MON1A: variants seen among roughly 807,000 people sequenced by gnomAD.
The protein encoded by MON1A is vacuolar fusion protein MON1 homolog A.
A neutral mutation model predicts 44.6 loss-of-function variants in MON1A; 29 were observed. The ratio of observed to expected loss-of-function variants is 0.65; its 90% confidence interval spans 0.48 to 0.89. The LOEUF is 0.89. Among genes scored for constraint, MON1A ranks in the 40% least tolerant of loss-of-function variants. The pLI is 0.00. For synonymous variants in MON1A, 275 were observed against 316.4 expected (o/e 0.87, Z 1.39); for missense variants, 615 against 759.6 (o/e 0.81, Z 2.24).
intron 1 of MON1A, among the ~76,000 whole-genome samples, chr3:49,921,435 G>C (rs922852572): frequency 6.7e-6 from 1 of 150,212 alleles, no homozygotes; most frequent in African/African-American, 2.4e-5. Context: ...TGGGATTACA[G>C]GCCTGAGCCA....
intron 1 of MON1A, chr3:49,916,410 T>C (rs1017007620): frequency 6.6e-6 from 1 of 152,220 alleles, no homozygotes; most frequent in African/African-American, 2.4e-5. Context: ...CTTTAAGCTA[T>C]GTAATTCTTT....
chr3:49,911,591 C>T lies in MON1A; in HGVS notation c.548G>A (p.Gly183Asp). The T allele has an allele frequency of 6.2e-7, 1 of 1,614,134 alleles. No homozygotes were observed. Among genetic ancestry groups the T allele is most frequent in the South Asian group, 1.1e-5 (1 of 91,084 alleles). ...GAAGGACACCAGGGCCACCATAACA[C>T]CCATAGTGCTGGAAAGTGCCTCCTC... ...GSEEALSSTM[G>D]VMVALVSFLE... Residue 183 changes from glycine (G) to aspartate (D), a missense_variant, in exon 3 of 6, where the codon GGT becomes GAT. Physicochemically the swap from Gly to Asp is moderately conservative, Grantham distance 94. Coordinates refer to ENST00000296473, the MANE Select transcript of MON1A (RefSeq NM_032355.4). This position sits in a 1 kb window ranked among gnomAD's most constrained non-coding sequence, Gnocchi z 5.7.
intron 1 of MON1A, chr3:49,923,855 G>A (rs2083026055): frequency 6.6e-6 from 1 of 151,782 alleles, no homozygotes; most frequent in Non-Finnish European, 1.5e-5. Context: ...GGCCGACGCA[G>A]GCAGATCATG....
intron 1 of MON1A, among the ~76,000 whole-genome samples, chr3:49,928,029 G>T: frequency 6.6e-6 from 1 of 152,184 alleles, no homozygotes; most frequent in Admixed American, 6.5e-5. Flanking sequence ...TGTCCTCAGG[G>T]CCCACTCTCC....
intron 1 of MON1A, among the ~76,000 whole-genome samples, chr3:49,922,298 T>C (rs538066981): frequency 6.6e-6 from 1 of 151,712 alleles, no homozygotes; most frequent in African/African-American, 2.4e-5. Context: ...ATAAAAAAAT[T>C]AGCCAGGTGT....
At chr3:49,920,837 C>CA (rs145653814) in intron 1 of MON1A, among the ~76,000 whole-genome samples, 22,823 of 130,198 alleles carry the variant, frequency 0.18, 2,146 homozygotes, top group Middle Eastern at 0.29. Context: ...GATTCTGCAT[C>CA]AAAAAAAAAA....
intron 1 of MON1A, among the ~76,000 whole-genome samples, chr3:49,923,215 C>T (rs2083017840): frequency 6.6e-6 from 1 of 151,168 alleles, no homozygotes; most frequent in African/African-American, 2.4e-5. Context: ...GTGGCGCATG[C>T]CTGTAATTCC....
At chr3:49,921,164 T>C (rs1175093736) in intron 1 of MON1A, among the ~76,000 whole-genome samples, 1 of 151,478 alleles carries the variant, frequency 6.6e-6, no homozygotes, top group Non-Finnish European at 1.5e-5. Flanking sequence ...CTCCTTTTTT[T>C]TTTCTTTTTT....
intron 1 of MON1A, chr3:49,924,496 T>C (rs1280094518): frequency 1.5e-5 from 4 of 272,680 alleles, no homozygotes; most frequent in African/African-American, 6.9e-5. Context: ...CTGGACAACA[T>C]GGTGAAACCC....
At chr3:49,915,364 C>T (rs1029528300) in intron 1 of MON1A, among the ~76,000 whole-genome samples, 1 of 151,920 alleles carries the variant, frequency 6.6e-6, no homozygotes, top group African/African-American at 2.4e-5. Context: ...CCTGTCTCTA[C>T]AAAAAATTTT....
Position 49,911,221 on chromosome 3 carries a change from G to GATAGATGATAGATAC in MON1A, c.613+304_613+305insGTATCTATCATCTAT, listed in dbSNP as rs1553630687. 9.1e-3 allele frequency among the ~76,000 whole-genome samples: 1,374 copies of GATAGATGATAGATAC among 151,186 alleles called. 11 individuals carry two copies. Among genetic ancestry groups the GATAGATGATAGATAC allele is most frequent in the Non-Finnish European group, 0.014 (972 of 67,794 alleles). On this transcript the variant is annotated intron_variant, in intron 3 of 5. Transcript: ENST00000296473. The surrounding 1 kb of genome is among the most constrained non-coding windows in gnomAD (Gnocchi z 5.7). ...AGATAGATAGATAGATAGATAGATA[G>GATAGATGATAGATAC]ATAGATAGATAGATAGATAGATAGA...
chr3:49,929,718 C>A lies in MON1A; in HGVS notation c.-123G>T, dbSNP rs2083078603. ...CGGGGCCGGCCTGAGGGCACAGCTT[C>A]GCGGGGCCCCGGCCCCCTGCGTACA... On this transcript the variant is annotated 5_prime_UTR_variant, in exon 1 of 6. Coordinates refer to ENST00000296473, the MANE Select transcript of MON1A (RefSeq NM_032355.4). 4 of 1,550,252 alleles carry A rather than the reference C, an allele frequency of 2.6e-6. No individual in the cohort carries two copies. Among genetic ancestry groups the A allele is most frequent in the Non-Finnish European group, 2.6e-6 (3 of 1,146,720 alleles).
chr3:49,921,251 G>A (rs188816365), intron 1 of MON1A, among the ~76,000 whole-genome samples: 4 of 151,512 alleles, frequency 2.6e-5, no homozygotes, highest in African/African-American at 9.7e-5. Context: ...TCCACCTCCT[G>A]GGTTCATGCC....
intron 1 of MON1A, 63 bp from the exon 2 acceptor site, chr3:49,913,422 G>A: frequency 6.5e-7 from 1 of 1,534,124 alleles, no homozygotes; most frequent in Non-Finnish European, 8.8e-7. Context: ...AATCAACAGT[G>A]GTAGTAAGTA....
intron 1 of MON1A, among the ~76,000 whole-genome samples, chr3:49,919,583 G>T (rs535234379): frequency 6.6e-6 from 1 of 152,126 alleles, no homozygotes; most frequent in Non-Finnish European, 1.5e-5. Context: ...GGGTTCAAGC[G>T]ATGCTCCTCC....
chr3:49,922,511 G>C lies in MON1A; in HGVS notation c.-14+7098C>G, dbSNP rs529525497. Among the ~76,000 whole-genome samples the C allele has an allele frequency of 2.2e-5, 3 of 138,520 alleles. No homozygotes were observed. In the South Asian group the frequency reaches 7.8e-4, roughly 36 times the overall value. 90.9% of individuals were successfully genotyped at this position (138,520 alleles called of 152,430 possible). On this transcript the variant is annotated intron_variant, in intron 1 of 5. Coordinates refer to ENST00000296473, the MANE Select transcript of MON1A (RefSeq NM_032355.4). ...GGAAGGAAGGAAGGAAGGAGGGAAG[G>C]AGGGAGGGAGAGAAGGAAGGAGGGA...
chr3:49,926,970 G>A (rs140246214), intron 1 of MON1A, among the ~76,000 whole-genome samples: 21 of 152,036 alleles, frequency 1.4e-4, no homozygotes, highest in African/African-American at 4.6e-4. Flanking sequence ...GTAGAGATGG[G>A]GTTTCATCAT....
chr3:49,923,049 C>T (rs2108538740), intron 1 of MON1A, among the ~76,000 whole-genome samples: 1 of 150,722 alleles, frequency 6.6e-6, no homozygotes, highest in Admixed American at 6.6e-5. Context: ...TGGTGAAAAA[C>T]CGTGGAGTCA....
intron 2 of MON1A, 141 bp from the exon 3 acceptor site, chr3:49,912,152 A>T: frequency 9.4e-7 from 1 of 1,059,536 alleles, no homozygotes. Context: ...ACTGTCTGCC[A>T]TGGATGATGC....
Sources: gnomAD v4.1 joint callset for allele counts (sites outside exome capture counted in the v4.1 genomes callset) on GRCh38, gnomAD v4.1.1 for gene constraint, Gnocchi (gnomAD v3.1) non-coding constraint, MANE v1.5 for transcripts, NCBI Gene and HGNC (gene_info 2026-07-23, HGNC 2026-07-21) for gene names.